ZMAT4: variants seen among roughly 807,000 people sequenced by gnomAD.
ZMAT4 encodes the protein zinc finger matrin-type protein 4.
Under a neutral mutation model 28.7 loss-of-function variants are expected in ZMAT4, and 17 were observed. That is an observed-to-expected ratio of 0.59 (90% CI 0.41 to 0.89). The LOEUF is 0.89. Ranked by LOEUF, ZMAT4 falls within the 40% of genes least tolerant of loss-of-function variation. The pLI, the probability that ZMAT4 is intolerant of heterozygous loss-of-function variation, is 0.00. For missense variants in ZMAT4, 240 were observed against 283.8 expected (o/e 0.85, Z 1.11); for synonymous variants, 117 against 109.2 (o/e 1.07, Z -0.44).
Position 40,881,299 on chromosome 8 carries a change from GAATCA to G in ZMAT4, c.-5+16379_-5+16383del, listed in dbSNP as rs1818212523. Reference sequence around the variant, plus strand: ...GGCTACTGAGGAGGCTGAGGCAGGAGAATCACCTGAGCCCAGGAGGTAGAGGTTTC... The same window carrying G: ...GGCTACTGAGGAGGCTGAGGCAGGAGCCTGAGCCCAGGAGGTAGAGGTTTC... On this transcript the variant is annotated intron_variant, in intron 1 of 6. Coordinates refer to ENST00000297737, the MANE Select transcript of ZMAT4 (RefSeq NM_024645.3). Among the ~76,000 whole-genome samples, 3 of 151,512 alleles carry G rather than the reference GAATCA, an allele frequency of 2.0e-5. No homozygotes were observed. The South Asian group carries it at 6.3e-4, about 32-fold the overall frequency.
intron 6 of ZMAT4, among the ~76,000 whole-genome samples, chr8:40,570,135 A>G (rs1228903379): frequency 1.3e-5 from 2 of 152,230 alleles, no homozygotes; most frequent in Admixed American, 1.3e-4. Flanking sequence ...AGCCAGACAA[A>G]AAAGAAAGCA....
chr8:40,536,578 A>G (rs993642232), intron 6 of ZMAT4, among the ~76,000 whole-genome samples: 1 of 152,130 alleles, frequency 6.6e-6, no homozygotes, highest in Non-Finnish European at 1.5e-5. Context: ...AAATCAGGTG[A>G]GGCTCCTCTA....
At chr8:40,743,256 G>A (rs1166316976) in intron 3 of ZMAT4, among the ~76,000 whole-genome samples, 1 of 152,138 alleles carries the variant, frequency 6.6e-6, no homozygotes, top group Non-Finnish European at 1.5e-5. Flanking sequence ...AAGAATTTAG[G>A]GCTTTAAAAC....
chr8:40,800,042 A>G (rs940670183), intron 2 of ZMAT4, among the ~76,000 whole-genome samples: 1 of 152,238 alleles, frequency 6.6e-6, no homozygotes, highest in African/African-American at 2.4e-5. Flanking sequence ...CAGATAGAGA[A>G]CAGTAACAAA....
chr8:40,770,242 ACTGCTTTCC>A (rs1246109983), intron 2 of ZMAT4, among the ~76,000 whole-genome samples: 3 of 152,072 alleles, frequency 2.0e-5, no homozygotes, highest in Non-Finnish European at 4.4e-5. Context: ...GACCAGATTC[ACTGCTTTCC>A]CTGCCCACAA....
At chr8:40,631,836 CAAGACTAAG>C (rs1444469760) in intron 5 of ZMAT4, among the ~76,000 whole-genome samples, 1 of 152,162 alleles carries the variant, frequency 6.6e-6, no homozygotes, top group Non-Finnish European at 1.5e-5. Context: ...TGTCTGAACA[CAAGACTAAG>C]CTGGAATCTT....
chr8:40,789,760 C>A (rs1814245649), intron 2 of ZMAT4, among the ~76,000 whole-genome samples: 1 of 152,160 alleles, frequency 6.6e-6, no homozygotes, highest in African/African-American at 2.4e-5. Context: ...TAGCAATCAG[C>A]CTGGGAAGCC....
chr8:40,825,974 G>T, intron 1 of ZMAT4, among the ~76,000 whole-genome samples: 1 of 152,208 alleles, frequency 6.6e-6, no homozygotes, highest in Non-Finnish European at 1.5e-5. Context: ...GAGTTTATGT[G>T]AGGGCAGGGC....
chr8:40,651,580 T>G (rs1807652143), intron 5 of ZMAT4, among the ~76,000 whole-genome samples: 5 of 143,860 alleles, frequency 3.5e-5, no homozygotes, highest in East Asian at 2.1e-4. Context: ...AAAACTACTT[T>G]AAAGTTCATA....
At chr8:40,880,879 C>CTCTACGCTTGTGCCGAGAT (rs1818198107) in intron 1 of ZMAT4, among the ~76,000 whole-genome samples, 1 of 152,128 alleles carries the variant, frequency 6.6e-6, no homozygotes, top group Non-Finnish European at 1.5e-5. Flanking sequence ...TGTTTTCACA[C>CTCTACGCTTGTGCCGAGAT]TCTACGCTTG....
At chr8:40,671,816 T>TA (rs2150469380) in intron 5 of ZMAT4, among the ~76,000 whole-genome samples, 1 of 152,316 alleles carries the variant, frequency 6.6e-6, no homozygotes, top group African/African-American at 2.4e-5. Context: ...TGCATCATTT[T>TA]AAAAAATTAA....
chr8:40,785,620 T>C (rs769951870), intron 2 of ZMAT4, among the ~76,000 whole-genome samples: 8 of 152,286 alleles, frequency 5.3e-5, no homozygotes, highest in East Asian at 1.9e-4. Context: ...TTTTTGACAA[T>C]CTAATTTTGA....
At chr8:40,820,495 TGTGTGTATGTGTGTATTG>T (rs1401294585) in intron 2 of ZMAT4, among the ~76,000 whole-genome samples, 1 of 151,274 alleles carries the variant, frequency 6.6e-6, no homozygotes, top group East Asian at 2.0e-4. Context: ...TGTGTGTATA[TGTGTGTATGTGTGTATTG>T]GTGTGTATAT....
chr8:40,747,087 A>T (rs969663041), intron 3 of ZMAT4, among the ~76,000 whole-genome samples: 8 of 152,184 alleles, frequency 5.3e-5, no homozygotes, highest in Non-Finnish European at 1.0e-4. Flanking sequence ...CTCACTACTT[A>T]TGCTATGCCA....
At chr8:40,756,701 C>A (rs1210460508) in intron 3 of ZMAT4, among the ~76,000 whole-genome samples, 1 of 148,740 alleles carries the variant, frequency 6.7e-6, no homozygotes, top group Non-Finnish European at 1.5e-5. Flanking sequence ...TAGTTCTGTT[C>A]TATAAAGTTG....
intron 3 of ZMAT4, among the ~76,000 whole-genome samples, chr8:40,760,741 GCTCTCT>G (rs1220675755): frequency 1.1e-5 from 1 of 93,668 alleles, no homozygotes; most frequent in African/African-American, 4.1e-5. Flanking sequence ...TCTCTGTCAT[GCTCTCT>G]CTCTCTCTGT....
In ZMAT4 at chr8:40,704,803, G is replaced by A. The variant is rs181977348; in HGVS notation, c.193-7402C>T. 9.3e-4 allele frequency among the ~76,000 whole-genome samples: 142 copies of A among 152,228 alleles called. 2 individuals are homozygous for A. In the East Asian group the frequency reaches 0.022, roughly 24 times the overall value. ...CCCTCGTTTTCTTACCAATATGACT[G>A]CTTTGTCTTAGGAAAAGGCCAATTG... On this transcript the variant is annotated intron_variant, in intron 3 of 6. Transcript: ENST00000297737.
chr8:40,755,608 A>G (rs1041588604), intron 3 of ZMAT4, among the ~76,000 whole-genome samples: 3 of 151,994 alleles, frequency 2.0e-5, no homozygotes, highest in African/African-American at 7.3e-5. Flanking sequence ...ATGCACCACC[A>G]TGCCCGGCTA....
intron 2 of ZMAT4, among the ~76,000 whole-genome samples, chr8:40,795,641 C>T (rs1325493058): frequency 6.6e-6 from 1 of 152,140 alleles, no homozygotes; most frequent in African/African-American, 2.4e-5. Context: ...ATTTAAAGGT[C>T]TGAGACTCAG....
Sources: allele counts gnomAD v4.1 joint callset (sites outside exome capture counted in the v4.1 genomes callset), GRCh38; gene constraint gnomAD v4.1.1; transcripts MANE v1.5; gene names NCBI Gene and HGNC (gene_info 2026-07-23, HGNC 2026-07-21).